Variants in AGBL1 observed in about 807,000 individuals in gnomAD.
The protein encoded by AGBL1 is AGBL carboxypeptidase 1.
In AGBL1, 130 loss-of-function variants were observed where a neutral mutation model predicts 118.9. The ratio of observed to expected loss-of-function variants is 1.09; its 90% CI spans 0.95 to 1.26. AGBL1 has a LOEUF of 1.26. Ranked by LOEUF, AGBL1 falls within the 50% of genes most tolerant of loss-of-function variation. AGBL1 has a pLI of 0.00. For missense variants in AGBL1, 1,584 were observed against 1,298.1 expected, an observed-to-expected ratio of 1.22 and a Z score of -3.38; for synonymous variants, 555 against 478.9, an observed-to-expected ratio of 1.16 and a Z score of -2.08.
chr15:86,963,515 C>A (rs1285920133), intron 23 of AGBL1, among the ~76,000 whole-genome samples: 4 of 151,888 alleles, frequency 2.6e-5, no homozygotes, highest in Non-Finnish European at 4.4e-5. Flanking sequence ...AAACAATCTA[C>A]CACGTTGAAA....
At chr15:86,944,678 CTTCA>C (rs1290129891) in intron 23 of AGBL1, among the ~76,000 whole-genome samples, 7 of 152,240 alleles carry the variant, frequency 4.6e-5, no homozygotes, top group Admixed American at 2.0e-4. Context: ...TTTTTAATGC[CTTCA>C]TTCATGAAAT....
chr15:86,187,683 C>T lies in AGBL1; in HGVS notation c.488+28657C>T, dbSNP rs2077654547. Among the ~76,000 whole-genome samples the T allele has an allele frequency of 2.0e-5, 3 of 152,186 alleles. No homozygotes were observed. In the South Asian group the frequency reaches 6.2e-4, roughly 32 times the overall value. ...AGTTTTAATAATGAATACTATCCTTCATCCCTCAAGAGGCCTTCTCTAAAC... is the reference window on the plus strand; with the variant it reads ...AGTTTTAATAATGAATACTATCCTTTATCCCTCAAGAGGCCTTCTCTAAAC... On this transcript the variant is annotated intron_variant, in intron 5 of 22. Coordinates refer to ENST00000614907, the MANE Select transcript of AGBL1 (RefSeq NM_001386094.1).
intron 15 of AGBL1, among the ~76,000 whole-genome samples, chr15:86,272,077 C>G (rs777970366): frequency 1.3e-5 from 2 of 152,156 alleles, no homozygotes; most frequent in Non-Finnish European, 2.9e-5. Context: ...GATGTTCTAT[C>G]CTGTTTCTAT....
chr15:86,598,869 G>A (rs1449455351), intron 21 of AGBL1, among the ~76,000 whole-genome samples: 4 of 152,166 alleles, frequency 2.6e-5, no homozygotes, highest in African/African-American at 4.8e-5. Flanking sequence ...ATGTAAGGAT[G>A]AATTTGATAT....
intron 6 of AGBL1, among the ~76,000 whole-genome samples, chr15:86,225,634 C>T (rs1197134793): frequency 6.6e-6 from 1 of 152,108 alleles, no homozygotes; most frequent in Non-Finnish European, 1.5e-5. Flanking sequence ...ATAGCAGGCA[C>T]AATGCACTTG....
chr15:86,363,532 T>C (rs753731574), intron 17 of AGBL1, among the ~76,000 whole-genome samples: 12 of 152,192 alleles, frequency 7.9e-5, no homozygotes. Context: ...TCTCTTCCCT[T>C]GACCTCCATG....
chr15:86,421,615 T>C (rs2081790946), intron 18 of AGBL1, among the ~76,000 whole-genome samples: 1 of 152,166 alleles, frequency 6.6e-6, no homozygotes, highest in South Asian at 2.1e-4. Context: ...TAACCTTAAA[T>C]GTAAATGGGC....
chr15:86,668,187 G>T (rs2085681301), intron 21 of AGBL1, among the ~76,000 whole-genome samples: 1 of 152,140 alleles, frequency 6.6e-6, no homozygotes, highest in South Asian at 2.1e-4. Flanking sequence ...CTCCAACATT[G>T]GGGATCACAT....
intron 17 of AGBL1, among the ~76,000 whole-genome samples, chr15:86,339,858 C>A (rs141783318): frequency 6.6e-6 from 1 of 151,756 alleles, no homozygotes; most frequent in African/African-American, 2.4e-5. Flanking sequence ...CCCAGCTACT[C>A]GGGAGGCTGA....
At chr15:87,028,931 A>G (rs1379801177) in exon 25 of AGBL1, 1 of 1,383,730 alleles carries the variant, frequency 7.2e-7, no homozygotes, top group Non-Finnish European at 1.0e-6. Flanking sequence ...AACCTTCAAG[A>G]TGTTGTACAT....
At chr15:86,421,265 CT>C (rs2081786095) in intron 18 of AGBL1, among the ~76,000 whole-genome samples, 1 of 152,142 alleles carries the variant, frequency 6.6e-6, no homozygotes, top group African/African-American at 2.4e-5. Context: ...GCATATCTCT[CT>C]ATGGAAACCC....
At chr15:87,012,387 T>C (rs1383277009) in intron 24 of AGBL1, among the ~76,000 whole-genome samples, 1 of 152,182 alleles carries the variant, frequency 6.6e-6, no homozygotes. Context: ...ATTATACTTG[T>C]AAATGTTTAA....
At chr15:86,659,234 G>C (rs2085503955) in intron 21 of AGBL1, among the ~76,000 whole-genome samples, 1 of 152,154 alleles carries the variant, frequency 6.6e-6, no homozygotes, top group Admixed American at 6.6e-5. Context: ...CTATGTAGCA[G>C]TTATGCACTA....
chr15:86,499,732 GA>G (rs2082897204), intron 18 of AGBL1, among the ~76,000 whole-genome samples: 1 of 151,884 alleles, frequency 6.6e-6, no homozygotes, highest in South Asian at 2.1e-4. Context: ...TGCATTAAAG[GA>G]AACTAAAGTT....
chr15:86,929,963 C>A (rs2080586038), intron 23 of AGBL1, among the ~76,000 whole-genome samples: 1 of 152,132 alleles, frequency 6.6e-6, no homozygotes, highest in African/African-American at 2.4e-5. Context: ...TGCCCTTTGG[C>A]TGGCTAATAT....
intron 22 of AGBL1, among the ~76,000 whole-genome samples, chr15:86,724,678 A>G (rs754983437): frequency 6.6e-5 from 10 of 152,162 alleles, no homozygotes; most frequent in East Asian, 3.8e-4. Context: ...GTAATTTTCA[A>G]TGTTGGAGAT....
chr15:86,822,036 TGTGTGCAC>T (rs1200983326), intron 22 of AGBL1, among the ~76,000 whole-genome samples: 1 of 152,178 alleles, frequency 6.6e-6, no homozygotes, highest in African/African-American at 2.4e-5. Context: ...TCAGTGTCCA[TGTGTGCAC>T]AGTACCTGTT....
At chr15:86,092,657 G>A (rs77748843) in intron 1 of AGBL1, among the ~76,000 whole-genome samples, 2,266 of 152,082 alleles carry the variant, frequency 0.015, 34 homozygotes, top group South Asian at 0.075. Context: ...TAAAATGAAC[G>A]GAAATTTATT....
intron 23 of AGBL1, among the ~76,000 whole-genome samples, chr15:86,949,677 A>T (rs1355151603): frequency 1.3e-5 from 2 of 152,158 alleles, no homozygotes; most frequent in Non-Finnish European, 2.9e-5. Context: ...TAATGCTTTG[A>T]TCCTTCTCCA....
Sources: gnomAD v4.1 joint callset for allele counts (sites outside exome capture counted in the v4.1 genomes callset) on GRCh38, gnomAD v4.1.1 for gene constraint, MANE v1.5 for transcripts, NCBI Gene and HGNC (gene_info 2026-07-23, HGNC 2026-07-21) for gene names.